The following ST6GALNAC5 variants were observed in gnomAD, a reference collection of about 807,000 sequenced individuals.
The protein encoded by ST6GALNAC5 is ST6 N-acetylgalactosaminide alpha-2,6-sialyltransferase 5.
Under a neutral mutation model 33.6 loss-of-function variants are expected in ST6GALNAC5, and 27 were observed. The observed-to-expected ratio is 0.80, with a 90% CI of 0.59 to 1.11. ST6GALNAC5 has a LOEUF of 1.11. Ranked by LOEUF, ST6GALNAC5 falls within the 50% of genes least tolerant of loss-of-function variation. The pLI is 0.00. For missense variants in ST6GALNAC5, 428 were observed against 454.0 expected, an observed-to-expected ratio of 0.94 and a Z score of 0.52; for synonymous variants, 194 against 171.2, an observed-to-expected ratio of 1.13 and a Z score of -1.04.
chr1:77,049,811 T>C (rs1446963466), intron 3 of ST6GALNAC5, among the ~76,000 whole-genome samples: 2 of 152,194 alleles, frequency 1.3e-5, no homozygotes, highest in African/African-American at 2.4e-5. Context: ...GACTAATAGA[T>C]AGATAAATAC....
intron 2 of ST6GALNAC5, among the ~76,000 whole-genome samples, chr1:76,899,496 G>T (rs920300029): frequency 1.1e-4 from 16 of 152,104 alleles, no homozygotes; most frequent in Admixed American, 9.8e-4. Flanking sequence ...TGGGGTTCCT[G>T]CCCCTCCCCC....
intron 2 of ST6GALNAC5, among the ~76,000 whole-genome samples, chr1:77,016,171 C>CCT (rs544621059): frequency 2.2e-3 from 1 of 464 alleles, no homozygotes; most frequent in Non-Finnish European, 6.9e-3. Flanking sequence ...TCCTCCTCCT[C>CCT]CTGTCCTCCC....
chr1:77,034,598 G>A (rs542913575), intron 2 of ST6GALNAC5, among the ~76,000 whole-genome samples: 298 of 152,272 alleles, frequency 2.0e-3, no homozygotes, highest in African/African-American at 6.8e-3. Context: ...TCTGGGGTAA[G>A]CAAAACCGCC....
At chr1:76,913,866 C>A (rs1016969866) in intron 2 of ST6GALNAC5, among the ~76,000 whole-genome samples, 1 of 152,018 alleles carries the variant, frequency 6.6e-6, no homozygotes. Context: ...GAGAAGGAAA[C>A]AAAGGGTATT....
At chr1:76,910,645 C>A (rs76989161) in intron 2 of ST6GALNAC5, among the ~76,000 whole-genome samples, 1,996 of 151,958 alleles carry the variant, frequency 0.013, 43 homozygotes, top group African/African-American at 0.046. Flanking sequence ...CTAATGATAC[C>A]TTTTCTGTAG....
At chr1:76,883,538 A>G (rs534807992) in intron 2 of ST6GALNAC5, among the ~76,000 whole-genome samples, 11 of 152,206 alleles carry the variant, frequency 7.2e-5, no homozygotes, top group Non-Finnish European at 1.6e-4. Flanking sequence ...TGACATACAC[A>G]TCTTTAATTT....
chr1:77,059,153 C>T (rs1652493937), intron 4 of ST6GALNAC5, among the ~76,000 whole-genome samples: 1 of 152,114 alleles, frequency 6.6e-6, no homozygotes, highest in South Asian at 2.1e-4. Flanking sequence ...TCCAGCTTCC[C>T]CTAATGCGGA....
intron 4 of ST6GALNAC5, among the ~76,000 whole-genome samples, chr1:77,059,964 C>T (rs1241819864): frequency 6.6e-6 from 1 of 152,146 alleles, no homozygotes; most frequent in African/African-American, 2.4e-5. Flanking sequence ...ACCTAAGACA[C>T]TTTCTAAAAT....
intron 2 of ST6GALNAC5, among the ~76,000 whole-genome samples, chr1:76,933,757 C>A (rs12034134): frequency 2.8e-5 from 3 of 108,192 alleles, no homozygotes; most frequent in Middle Eastern, 5.7e-3. Flanking sequence ...CAATTCTTTT[C>A]TCTGCCAAAA....
chr1:76,894,455 G>A (rs114307432), intron 2 of ST6GALNAC5, among the ~76,000 whole-genome samples: 2,446 of 152,108 alleles, frequency 0.016, 27 homozygotes, highest in Middle Eastern at 0.031. Flanking sequence ...TAGCATGGGA[G>A]GTTGGAGCGC....
Position 76,893,989 on chromosome 1 carries a change from C to G in ST6GALNAC5, c.261+25247C>G, listed in dbSNP as rs369333191. Among the ~76,000 whole-genome samples the G allele has an allele frequency of 1.5e-4, 23 of 152,262 alleles. No homozygotes were observed. In the East Asian group the frequency reaches 3.1e-3, roughly 20 times the overall value. The stretch of plus-strand genomic sequence containing the variant: ...GAGACGCTCTTGATATTCAGGTTTT[C>G]TTTAACCCTGAGATGTGGCCATGGC... On this transcript the variant is annotated intron_variant, in intron 2 of 4. Transcript: ENST00000477717.
chr1:76,926,475 C>T (rs563091763), intron 2 of ST6GALNAC5, among the ~76,000 whole-genome samples: 29 of 152,074 alleles, frequency 1.9e-4, no homozygotes, highest in Non-Finnish European at 3.7e-4. Context: ...AGTTGAATTT[C>T]AGAGAGATCT....
chr1:76,941,332 C>G (rs1164723693), intron 2 of ST6GALNAC5, among the ~76,000 whole-genome samples: 2 of 152,058 alleles, frequency 1.3e-5, no homozygotes, highest in Non-Finnish European at 2.9e-5. Flanking sequence ...ATGTTTTTCT[C>G]CTGCTGAGGA....
At chr1:76,984,263 A>C (rs1428746399) in intron 2 of ST6GALNAC5, among the ~76,000 whole-genome samples, 2 of 152,246 alleles carry the variant, frequency 1.3e-5, no homozygotes, top group Non-Finnish European at 2.9e-5. Context: ...ATAGACTGCT[A>C]GCAAGACTAA....
chr1:77,052,735 A>G (rs1652264084), intron 4 of ST6GALNAC5, among the ~76,000 whole-genome samples: 1 of 151,824 alleles, frequency 6.6e-6, no homozygotes, highest in Non-Finnish European at 1.5e-5. Flanking sequence ...CCTGGCCAAC[A>G]TGACGAAACC....
At chr1:76,915,433 C>G (rs990928393) in intron 2 of ST6GALNAC5, among the ~76,000 whole-genome samples, 37 of 152,126 alleles carry the variant, frequency 2.4e-4, no homozygotes, top group African/African-American at 6.0e-4. Flanking sequence ...GCAAAGACTT[C>G]GAACCAACCC....
At chr1:76,960,436 C>T (rs954324560) in intron 2 of ST6GALNAC5, among the ~76,000 whole-genome samples, 3 of 152,234 alleles carry the variant, frequency 2.0e-5, no homozygotes, top group East Asian at 1.9e-4. Flanking sequence ...GACCACAGGA[C>T]GGGGCGAAAT....
In ST6GALNAC5 at chr1:77,065,473, A is replaced by C. The variant is rs1013732668; in HGVS notation, c.*2267A>C. 2 of 152,244 alleles carry C rather than the reference A, an allele frequency of 1.3e-5. No individual in the cohort carries two copies. Among genetic ancestry groups the C allele is most frequent in the Admixed American group, 6.5e-5 (1 of 15,284 alleles). 9.4% of individuals were successfully genotyped at this position (152,244 alleles called of 1,614,324 possible). A position where few individuals can be genotyped will look rare whatever the true frequency, so the allele number is the denominator to read the frequency against. On this transcript the variant is annotated 3_prime_UTR_variant, in exon 5 of 5. Coordinates refer to ENST00000477717, the MANE Select transcript of ST6GALNAC5 (RefSeq NM_030965.3). ...ATGGCTTCACTGGGAAATGTTTTAA[A>C]TCTACATGTAGCTAGGATATGTGAT...
At chr1:77,025,410 G>T (rs903272846) in intron 2 of ST6GALNAC5, among the ~76,000 whole-genome samples, 1 of 151,896 alleles carries the variant, frequency 6.6e-6, no homozygotes, top group Admixed American at 6.6e-5. Context: ...GCAGATGCCT[G>T]TAATTCCAGA....
Sources: gnomAD v4.1 joint callset for allele counts (sites outside exome capture counted in the v4.1 genomes callset) on GRCh38, gnomAD v4.1.1 for gene constraint, MANE v1.5 for transcripts, NCBI Gene and HGNC (gene_info 2026-07-23, HGNC 2026-07-21) for gene names.